Variants in PDE6G observed in about 807,000 individuals in gnomAD.
PDE6G encodes the protein phosphodiesterase 6G.
Under a neutral mutation model 10.9 loss-of-function variants are expected in PDE6G, and 10 were observed. That is an observed-to-expected ratio of 0.91 (90% CI 0.56 to 1.55). The LOEUF (loss-of-function observed/expected upper bound fraction) is 1.55. PDE6G is among the 40% of genes most tolerant of loss of function. The pLI is 0.00. For missense variants in PDE6G, 102 were observed against 110.1 expected (o/e 0.93, Z 0.33); for synonymous variants, 41 against 42.8 (o/e 0.96, Z 0.16).
At position 81,651,101 on chromosome 17, in the gene PDE6G, G is replaced by A. The variant is rs199710012; in HGVS notation, c.237C>T (p.His79=). 7.4e-6 allele frequency: 12 copies of A among 1,613,724 alleles called. No homozygotes were observed. Among genetic ancestry groups the A allele is most frequent in the Admixed American group, 6.7e-5 (4 of 60,020 alleles). The change falls in exon 4 of 4, where the codon CAC becomes CAT. Residue 79 remains histidine, a synonymous_variant. Transcript: ENST00000331056. This position sits in a 1 kb window ranked among gnomAD's most constrained non-coding sequence, Gnocchi z 4.8. ...PWEAFNHLEL[H]ELAQYGII The stretch of plus-strand genomic sequence containing the variant: ...AGATGATGCCATATTGGGCCAGCTC[G>A]TGCAGCTCCAGGTGGTTGAAGGCCT...
upstream of PDE6G, among the ~76,000 whole-genome samples, chr17:81,658,879 A>C (rs1323981363): frequency 1.3e-5 from 2 of 152,090 alleles, no homozygotes; most frequent in Admixed American, 6.6e-5. Flanking sequence ...AATAAAATAA[A>C]ATGTATGAGT....
At chr17:81,660,665 T>A (rs1374767918), upstream of PDE6G, among the ~76,000 whole-genome samples, 3 of 152,160 alleles carry the variant, frequency 2.0e-5, no homozygotes, top group Non-Finnish European at 4.4e-5. Flanking sequence ...CTAATTTTTG[T>A]ATTTTTTGTA....
At chr17:81,657,477 C>T (rs192529685), upstream of PDE6G, among the ~76,000 whole-genome samples, 16 of 152,304 alleles carry the variant, frequency 1.1e-4, no homozygotes, top group African/African-American at 3.8e-4. Flanking sequence ...CACCTATGAC[C>T]CGTGGTCCCT....
intron 1 of PDE6G, among the ~76,000 whole-genome samples, chr17:81,662,818 C>G (rs1017482788): frequency 2.0e-5 from 3 of 151,902 alleles, no homozygotes; most frequent in African/African-American, 4.8e-5. Context: ...GGTGATATGG[C>G]GAAACCCCGT....
At chr17:81,663,053 T>C (rs2036528366) in intron 1 of PDE6G, 1 of 152,178 alleles carries the variant, frequency 6.6e-6, no homozygotes, top group South Asian at 2.1e-4. Flanking sequence ...GGATGAGGAA[T>C]CTTACTTCGG....
At chr17:81,654,767 A>G (rs76476729) in intron 1 of PDE6G, among the ~76,000 whole-genome samples, 1 of 133,474 alleles carries the variant, frequency 7.5e-6, no homozygotes, top group African/African-American at 2.7e-5. Context: ...TTTTTTTTTT[A>G]GACGGAGTCT....
At position 81,653,478 on chromosome 17, in the gene PDE6G, C is replaced by T; in HGVS notation, c.-59-114G>A. 2.9e-6 allele frequency: 2 copies of T among 698,038 alleles called. No homozygotes were observed. Among genetic ancestry groups the T allele is most frequent in the East Asian group, 2.7e-5 (1 of 36,730 alleles). The allele number at this position is 698,038 out of a possible 1,614,324, so 43.2% of individuals were successfully genotyped here. On this transcript the variant is annotated intron_variant, in intron 1 of 3. Coordinates refer to ENST00000331056, the MANE Select transcript of PDE6G (RefSeq NM_002602.4). The surrounding 1 kb of genome is among the most constrained non-coding windows in gnomAD (Gnocchi z 5.2). The stretch of plus-strand genomic sequence containing the variant: ...CCAGCCCCGCCAGCTCCAGCGTCAT[C>T]CAGACAGCAGCCCCTGCAATCCGCC...
At chr17:81,659,147 A>C (rs1477277885), upstream of PDE6G, among the ~76,000 whole-genome samples, 1 of 138,960 alleles carries the variant, frequency 7.2e-6, no homozygotes, top group African/African-American at 2.7e-5. Flanking sequence ...ATTGCAATCC[A>C]TATCTTTTTT....
chr17:81,656,458 T>C, intron 1 of PDE6G, 35 bp downstream of exon 1: 1 of 748,014 alleles, frequency 1.3e-6, no homozygotes, highest in Non-Finnish European at 2.4e-6. Context: ...GGGAAGTGGC[T>C]GCCAGGAAAG....
rs1021916266 is a variant in PDE6G, at chr17:81,653,365, C to G, written c.-59-1G>C. On this transcript the variant is annotated splice_acceptor_variant, in intron 1 of 3. Transcript: ENST00000331056. LOFTEE classifies it low-confidence loss of function (5UTR_SPLICE). The surrounding 1 kb of genome is among the most constrained non-coding windows in gnomAD (Gnocchi z 5.2). ...CTCCTGGACTCCCTCCTGCTGCGGTCTGGGGGCAGACCAGGCCCGGGTCCC... is the reference window on the plus strand; with the variant it reads ...CTCCTGGACTCCCTCCTGCTGCGGTGTGGGGGCAGACCAGGCCCGGGTCCC... 9 of 1,592,382 alleles carry G rather than the reference C, an allele frequency of 5.7e-6. No individual in the cohort carries two copies. The Admixed American group carries it at 8.5e-5, about 15-fold the overall frequency.
intron 1 of PDE6G, among the ~76,000 whole-genome samples, chr17:81,655,777 G>A (rs1239130236): frequency 6.6e-6 from 1 of 152,234 alleles, no homozygotes; most frequent in African/African-American, 2.4e-5. Context: ...CTTTTTGGCT[G>A]GGATTCCTGA....
Position 81,653,080 on chromosome 17 carries a change from T to A in PDE6G, c.146+80A>T. On this transcript the variant is annotated intron_variant, in intron 2 of 3. Coordinates refer to ENST00000331056, the MANE Select transcript of PDE6G (RefSeq NM_002602.4). This position sits in a 1 kb window ranked among gnomAD's most constrained non-coding sequence, Gnocchi z 5.2. The stretch of plus-strand genomic sequence containing the variant: ...CTCACCCAGTGAAGTGGCCCCAGGC[T>A]CTGCCCCGCCCTCCCCTTCCTGTGC... 6.6e-7 allele frequency: 1 copy of A among 1,517,308 alleles called. No homozygotes were observed. 94.0% of individuals were successfully genotyped at this position (1,517,308 alleles called of 1,614,324 possible). A position where few individuals can be genotyped will look rare whatever the true frequency, so the allele number is the denominator to read the frequency against.
intron 1 of PDE6G, among the ~76,000 whole-genome samples, chr17:81,654,379 CTTT>C (rs11431043): frequency 2.3e-5 from 3 of 128,402 alleles, no homozygotes; most frequent in Non-Finnish European, 1.6e-5. Flanking sequence ...CCCTCTGATT[CTTT>C]TTTTTTTTTT....
chr17:81,653,611 C>T lies in PDE6G; in HGVS notation c.-59-247G>A. 2.3e-6 allele frequency: 1 copy of T among 443,658 alleles called. No homozygotes were observed. Among genetic ancestry groups the T allele is most frequent in the South Asian group, 2.2e-5 (1 of 45,410 alleles). The allele number at this position is 443,658 out of a possible 1,614,324, so 27.5% of individuals were successfully genotyped here. ...GCTGGCCACACACAGCTCCGGACTC[C>T]CCCCTGTCCTGGCCTCCCTCGCCCC... On this transcript the variant is annotated intron_variant, in intron 1 of 3. Coordinates refer to ENST00000331056, the MANE Select transcript of PDE6G (RefSeq NM_002602.4). The surrounding 1 kb of genome is among the most constrained non-coding windows in gnomAD (Gnocchi z 5.2).
At chr17:81,661,323 C>T (rs1417473590), upstream of PDE6G, among the ~76,000 whole-genome samples, 1 of 152,208 alleles carries the variant, frequency 6.6e-6, no homozygotes, top group African/African-American at 2.4e-5. Flanking sequence ...GCGGTTGAGG[C>T]TGCAGTGAGC....
At chr17:81,656,582 A>T (rs1016519135), upstream of PDE6G, 11 of 756,690 alleles carry the variant, frequency 1.5e-5, no homozygotes, top group Non-Finnish European at 2.7e-5. Context: ...TCGCTGCTTC[A>T]TGAGCTGATT....
chr17:81,659,745 T>C (rs2144412959), upstream of PDE6G, among the ~76,000 whole-genome samples: 1 of 152,250 alleles, frequency 6.6e-6, no homozygotes, highest in East Asian at 1.9e-4. Context: ...CCAGGTACAA[T>C]TTTAGCCCTC....
chr17:81,650,866 G>A lies in PDE6G; in HGVS notation c.*208C>T. ...ATCTCCAGATGTTGAGCAGGGCCTG[G>A]CCAGCCCCTGAGGGGGCATCCTAGA... On this transcript the variant is annotated 3_prime_UTR_variant, in exon 4 of 4. Coordinates refer to ENST00000331056, the MANE Select transcript of PDE6G (RefSeq NM_002602.4). The A allele has an allele frequency of 3.1e-6, 2 of 647,756 alleles. No homozygotes were observed. The highest frequency in any genetic ancestry group is 5.7e-6 in the Non-Finnish European group (2 of 350,900). 40.1% of individuals were successfully genotyped at this position (647,756 alleles called of 1,614,324 possible).
chr17:81,657,591 A>T (rs935560040), upstream of PDE6G, among the ~76,000 whole-genome samples: 1 of 152,154 alleles, frequency 6.6e-6, no homozygotes, highest in Non-Finnish European at 1.5e-5. Flanking sequence ...TTAAAAACCC[A>T]TAACTCAGGC....
Sources: gnomAD v4.1 joint callset for allele counts (sites outside exome capture counted in the v4.1 genomes callset) on GRCh38, gnomAD v4.1.1 for gene constraint, Gnocchi (gnomAD v3.1) non-coding constraint, MANE v1.5 for transcripts, NCBI Gene and HGNC (gene_info 2026-07-23, HGNC 2026-07-21) for gene names.